CNTN4: variants seen among roughly 807,000 people sequenced by gnomAD.
CNTN4 encodes the protein contactin 4, also known as contactin-4.
In CNTN4, 77 loss-of-function variants were observed where a neutral mutation model predicts 122.5. The ratio of observed to expected loss-of-function variants is 0.63; its 90% CI spans 0.52 to 0.76. The LOEUF is 0.76. Ranked by LOEUF, CNTN4 falls within the 30% of genes least tolerant of loss-of-function variation. The pLI, the probability that CNTN4 is intolerant of heterozygous loss-of-function variation, is 0.00. For missense variants in CNTN4, 1,256 were observed against 1,259.1 expected (o/e 1.00, Z 0.04); for synonymous variants, 512 against 447.0 (o/e 1.15, Z -1.83).
At chr3:2,436,614 T>G (rs1235365836) in intron 3 of CNTN4, among the ~76,000 whole-genome samples, 1 of 152,068 alleles carries the variant, frequency 6.6e-6, no homozygotes, top group Non-Finnish European at 1.5e-5. Context: ...CCTTTGTGAT[T>G]TTAATGTTTG....
chr3:2,605,681 A>T (rs1173650212), intron 4 of CNTN4, among the ~76,000 whole-genome samples: 1 of 152,126 alleles, frequency 6.6e-6, no homozygotes, highest in African/African-American at 2.4e-5. Context: ...GAGCTATCAG[A>T]TTTGTGAATG....
chr3:2,717,869 G>A (rs1319743824), intron 4 of CNTN4, among the ~76,000 whole-genome samples: 1 of 151,840 alleles, frequency 6.6e-6, no homozygotes, highest in African/African-American at 2.4e-5. Flanking sequence ...CAGTCTACTG[G>A]GTATGAAGTG....
chr3:2,667,434 G>A (rs1476279601), intron 4 of CNTN4, among the ~76,000 whole-genome samples: 1 of 152,026 alleles, frequency 6.6e-6, no homozygotes, highest in African/African-American at 2.4e-5. Flanking sequence ...TTGTTAATGG[G>A]GTTGTTTGAC....
rs192298319 is a variant in CNTN4, at chr3:2,170,282, C to G, written c.-145+69643C>G. 3.3e-3 allele frequency among the ~76,000 whole-genome samples: 496 copies of G among 151,398 alleles called. 4 individuals carry two copies. Among genetic ancestry groups the G allele is most frequent in the African/African-American group, 0.012 (472 of 40,992 alleles). ...TTGCAGTGAGCCGAGATCGCGCCACCGCACTCCAGCCTGGGCGACACACCA... is the reference window on the plus strand; with the variant it reads ...TTGCAGTGAGCCGAGATCGCGCCACGGCACTCCAGCCTGGGCGACACACCA... On this transcript the variant is annotated intron_variant, in intron 2 of 24. Coordinates refer to ENST00000418658, the MANE Select transcript of CNTN4 (RefSeq NM_175607.3).
chr3:2,998,866 AT>A (rs1180220038), intron 14 of CNTN4, among the ~76,000 whole-genome samples: 15 of 152,354 alleles, frequency 9.8e-5, no homozygotes, highest in African/African-American at 3.6e-4. Context: ...GCTAAGTGAC[AT>A]GACGCCAACT....
intron 2 of CNTN4, among the ~76,000 whole-genome samples, chr3:2,327,213 C>T (rs536027080): frequency 3.3e-5 from 5 of 151,614 alleles, no homozygotes; most frequent in Non-Finnish European, 5.9e-5. Context: ...AAGGTATTTC[C>T]CAGTGAGTAG....
At chr3:2,601,950 A>G (rs1576174493) in intron 4 of CNTN4, among the ~76,000 whole-genome samples, 5 of 152,326 alleles carry the variant, frequency 3.3e-5, no homozygotes. Flanking sequence ...ACGCAAATCA[A>G]TAAACGTAAT....
chr3:2,890,369 A>G (rs2094025020), intron 10 of CNTN4, among the ~76,000 whole-genome samples: 1 of 152,222 alleles, frequency 6.6e-6, no homozygotes, highest in Admixed American at 6.5e-5. Context: ...TAAAATCACC[A>G]TGTAGATGAT....
intron 4 of CNTN4, among the ~76,000 whole-genome samples, chr3:2,687,103 G>C (rs1406532022): frequency 6.6e-6 from 1 of 152,196 alleles, no homozygotes; most frequent in East Asian, 1.9e-4. Flanking sequence ...CTTCAGCCTA[G>C]TAATGTTTGT....
chr3:2,321,952 G>A (rs1363151686), intron 2 of CNTN4, among the ~76,000 whole-genome samples: 1 of 152,052 alleles, frequency 6.6e-6, no homozygotes, highest in Non-Finnish European at 1.5e-5. Context: ...TATAAACCAG[G>A]CACTGTGGGA....
intron 3 of CNTN4, among the ~76,000 whole-genome samples, chr3:2,380,318 C>T (rs2045970900): frequency 6.6e-6 from 1 of 152,054 alleles, no homozygotes; most frequent in South Asian, 2.1e-4. Flanking sequence ...TGTTGTTAGT[C>T]CAGGAATCTG....
intron 3 of CNTN4, among the ~76,000 whole-genome samples, chr3:2,452,831 A>G (rs1280895160): frequency 6.6e-6 from 1 of 152,130 alleles, no homozygotes; most frequent in African/African-American, 2.4e-5. Context: ...GGGAAAGGGA[A>G]TATCAAAGCC....
intron 3 of CNTN4, among the ~76,000 whole-genome samples, chr3:2,473,485 T>A (rs1424354637): frequency 6.6e-6 from 1 of 152,214 alleles, no homozygotes; most frequent in Non-Finnish European, 1.5e-5. Context: ...ACATTTAAAT[T>A]AATTAAAATC....
chr3:2,498,985 T>G (rs1469272799), intron 3 of CNTN4, among the ~76,000 whole-genome samples: 1 of 152,094 alleles, frequency 6.6e-6, no homozygotes, highest in Non-Finnish European at 1.5e-5. Context: ...AGATAGGGTT[T>G]CAACATGTTG....
chr3:2,254,509 A>G (rs2040501061), intron 2 of CNTN4, among the ~76,000 whole-genome samples: 1 of 152,180 alleles, frequency 6.6e-6, no homozygotes, highest in Non-Finnish European at 1.5e-5. Flanking sequence ...TCCCACTAAC[A>G]GTGTAAAAGC....
At chr3:2,828,026 T>C (rs1576961879) in intron 7 of CNTN4, among the ~76,000 whole-genome samples, 1 of 152,256 alleles carries the variant, frequency 6.6e-6, no homozygotes, top group African/African-American at 2.4e-5. Context: ...TCTGGTCATA[T>C]TGGGAACATG....
At chr3:2,869,514 C>G (rs967563163) in intron 8 of CNTN4, among the ~76,000 whole-genome samples, 1 of 152,152 alleles carries the variant, frequency 6.6e-6, no homozygotes, top group South Asian at 2.1e-4. Context: ...TTTTACTGCA[C>G]AGGTTAGCAA....
At chr3:2,100,114 G>GAC (rs1290374523) in intron 1 of CNTN4, among the ~76,000 whole-genome samples, 1 of 152,152 alleles carries the variant, frequency 6.6e-6, no homozygotes, top group Non-Finnish European at 1.5e-5. Context: ...CAGTGTGACT[G>GAC]AGCACCCTGG....
intron 2 of CNTN4, among the ~76,000 whole-genome samples, chr3:2,105,111 A>T (rs190302800): frequency 6.6e-6 from 1 of 152,174 alleles, no homozygotes; most frequent in African/African-American, 2.4e-5. Flanking sequence ...CAGTGGCTCT[A>T]GTTGGGCTCC....
Sources: allele counts gnomAD v4.1 joint callset (sites outside exome capture counted in the v4.1 genomes callset), GRCh38; gene constraint gnomAD v4.1.1; transcripts MANE v1.5; gene names NCBI Gene and HGNC (gene_info 2026-07-23, HGNC 2026-07-21).